The following TRAPPC6A variants were observed in gnomAD, a reference collection of about 807,000 sequenced individuals.
TRAPPC6A encodes TRAPP complex subunit 6A.
In TRAPPC6A, 25 loss-of-function variants were observed where a neutral mutation model predicts 20.8. That is an observed-to-expected ratio of 1.20 (90% confidence interval 0.88 to 1.68). TRAPPC6A has a LOEUF of 1.68. TRAPPC6A is among the 40% of genes most tolerant of loss of function. The pLI, the probability that TRAPPC6A is intolerant of heterozygous loss-of-function variation, is 0.00. For missense variants in TRAPPC6A, 215 were observed against 211.6 expected, an observed-to-expected ratio of 1.02 and a Z score of -0.10; for synonymous variants, 96 against 93.3, an observed-to-expected ratio of 1.03 and a Z score of -0.16.
At chr19:45,164,512 A>G (rs1218937543) in intron 3 of TRAPPC6A, among the ~76,000 whole-genome samples, 11 of 152,124 alleles carry the variant, frequency 7.2e-5, no homozygotes. Flanking sequence ...CGGCCCAGGA[A>G]GATGCAGAAG....
intron 1 of TRAPPC6A, 29 bp downstream of exon 1, chr19:45,178,106 G>T: frequency 1.2e-6 from 2 of 1,612,482 alleles, no homozygotes; most frequent in Non-Finnish European, 1.7e-6. Flanking sequence ...GGTGGCCCCC[G>T]CTTCCTCCCC....
rs565767110 is a variant in TRAPPC6A at position 45,169,204 on chromosome 19, G to A, written c.85-4010C>T. Among the ~76,000 whole-genome samples the A allele has an allele frequency of 1.4e-3, 211 of 152,338 alleles. 2 individuals are homozygous for A. Among genetic ancestry groups the A allele is most frequent in the Middle Eastern group, 6.8e-3 (2 of 294 alleles). The stretch of plus-strand genomic sequence containing the variant: ...CCAGCGGCGCAGGTGCAGAGCCACC[G>A]CCTGGGTCCAGATCCGCCCCAGCAC... On this transcript the variant is annotated intron_variant, in intron 1 of 5. Coordinates refer to ENST00000585934, the MANE Select transcript of TRAPPC6A (RefSeq NM_001270891.2).
In TRAPPC6A at chr19:45,173,498, T is replaced by C. The variant is rs1483176636; in HGVS notation, c.84+4637A>G. 6.6e-6 allele frequency among the ~76,000 whole-genome samples: 1 copy of C among 152,130 alleles called. No individual in the cohort carries two copies. The highest frequency in any genetic ancestry group is 2.4e-5 in the African/African-American group (1 of 41,434). On this transcript the variant is annotated intron_variant, in intron 1 of 5. Coordinates refer to ENST00000585934, the MANE Select transcript of TRAPPC6A (RefSeq NM_001270891.2). This position sits in a 1 kb window ranked among gnomAD's most constrained non-coding sequence, Gnocchi z 4.8. Reference sequence around the variant, plus strand: ...AAGCCCTGGGGCCAGAAGCCTGAGTTCTAATTTTGCCTTTGAGTCTTGCTG... The same window carrying C: ...AAGCCCTGGGGCCAGAAGCCTGAGTCCTAATTTTGCCTTTGAGTCTTGCTG...
Position 45,178,226 on chromosome 19 carries a change from C to T in TRAPPC6A, c.-8G>A. Reference sequence around the variant, plus strand: ...CAACACAGTATCCGCCATGCCCCCTCCTCGCACGCCTAAAGATGCGCCCAG... The same window carrying T: ...CAACACAGTATCCGCCATGCCCCCTTCTCGCACGCCTAAAGATGCGCCCAG... On this transcript the variant is annotated 5_prime_UTR_variant, in exon 1 of 6. Transcript: ENST00000585934. 2 of 1,586,610 alleles carry T rather than the reference C, an allele frequency of 1.3e-6. No individual in the cohort carries two copies. The highest frequency in any genetic ancestry group is 1.7e-6 in the Non-Finnish European group (2 of 1,162,218).
intron 1 of TRAPPC6A, among the ~76,000 whole-genome samples, chr19:45,175,380 TCGC>T (rs1969347894): frequency 6.8e-6 from 1 of 147,280 alleles, no homozygotes; most frequent in African/African-American, 2.5e-5. Flanking sequence ...TGAGCCGAGA[TCGC>T]GCCACTGCAC....
intron 1 of TRAPPC6A, among the ~76,000 whole-genome samples, chr19:45,170,288 C>T (rs76408877): frequency 0.045 from 6,875 of 152,272 alleles, 495 homozygotes; most frequent in African/African-American, 0.16. Context: ...GCGTTTCACC[C>T]GGGGAATGGG....
intron 1 of TRAPPC6A, among the ~76,000 whole-genome samples, chr19:45,167,885 C>A (rs930018756): frequency 3.3e-5 from 5 of 151,952 alleles, no homozygotes; most frequent in African/African-American, 1.2e-4. Flanking sequence ...CGTGTCCCAG[C>A]TACTTGGGAA....
intron 1 of TRAPPC6A, among the ~76,000 whole-genome samples, chr19:45,166,895 G>A (rs963564632): frequency 6.6e-6 from 1 of 152,190 alleles, no homozygotes; most frequent in Non-Finnish European, 1.5e-5. Flanking sequence ...CCTGGAGCGG[G>A]TCTCCCAGCC....
In TRAPPC6A at chr19:45,171,015, G is replaced by A. The variant is rs569289924; in HGVS notation, c.85-5821C>T. 7.9e-5 allele frequency among the ~76,000 whole-genome samples: 12 copies of A among 152,322 alleles called. No homozygotes were observed. In the East Asian group the frequency reaches 2.3e-3, roughly 29 times the overall value. ...TAGGGGTTTATCTTTCTTAAAAACA[G>A]AAGGGGCTGGGCGCGGGGGCTCTTG... is the stretch of plus-strand genomic sequence containing the variant. On this transcript the variant is annotated intron_variant, in intron 1 of 5. Transcript: ENST00000585934.
Position 45,172,706 on chromosome 19 carries a change from TC to T in TRAPPC6A, c.84+5428del, listed in dbSNP as rs529429856. 8.3e-3 allele frequency among the ~76,000 whole-genome samples: 1,253 copies of T among 151,748 alleles called. 18 individuals carry two copies. Among genetic ancestry groups the T allele is most frequent in the Non-Finnish European group, 0.013 (903 of 67,994 alleles). On this transcript the variant is annotated intron_variant, in intron 1 of 5. Coordinates refer to ENST00000585934, the MANE Select transcript of TRAPPC6A (RefSeq NM_001270891.2). This position sits in a 1 kb window ranked among gnomAD's most constrained non-coding sequence, Gnocchi z 4.2. ...TGCCCACTCAGAACTCCCCATCCTG[TC>T]CCCTGGCCCAGCCCGGAAGGTTGAG...
rs201133555 is a variant in TRAPPC6A at position 45,163,940 on chromosome 19, C to T, written c.424G>A (p.Ala142Thr). Residue 142 changes from alanine (A) to threonine (T), a missense_variant, in exon 5 of 6, where the codon GCC becomes ACC. By Grantham distance (58) the Ala-to-Thr change is moderately conservative (BLOSUM62 0). Coordinates refer to ENST00000585934, the MANE Select transcript of TRAPPC6A (RefSeq NM_001270891.2). This position sits in a 1 kb window ranked among gnomAD's most constrained non-coding sequence, Gnocchi z 5.3. ...YTLGIESVVT[A>T]SVAALPVCKF... is the part of the protein sequence containing the mutation. ...CAGACGGGCAGGGCTGCCACGGAGG[C>T]GGTGACCACGCTCTCAATGCCCAGG... is the stretch of plus-strand genomic sequence containing the variant. 8.3e-5 allele frequency: 131 copies of T among 1,581,242 alleles called. No homozygotes were observed. The East Asian group carries it at 1.6e-3, about 20-fold the overall frequency.
chr19:45,165,191 G>C lies in TRAPPC6A; in HGVS notation c.88C>G (p.Gln30Glu). The part of the protein sequence containing the change: ...AHDPDPGPGG[Q>E]KMSLSVLEGM... ...TCCAGGACCGACAGGCTCATCTTCTGTCCCTAGAAGGCCAGGGGAGAGATG... is the reference window on the plus strand; with the variant it reads ...TCCAGGACCGACAGGCTCATCTTCTCTCCCTAGAAGGCCAGGGGAGAGATG... The change falls in exon 2 of 6, where the codon CAG (glutamine) becomes GAG (glutamate). Residue 30 changes from glutamine (Q) to glutamate (E), a missense_variant. Gln to Glu is a conservative substitution (Grantham distance 29). Coordinates refer to ENST00000585934, the MANE Select transcript of TRAPPC6A (RefSeq NM_001270891.2). 1 of 1,600,262 alleles carries C rather than the reference G, an allele frequency of 6.2e-7. No individual in the cohort carries two copies.
At chr19:45,164,345 TG>T in intron 3 of TRAPPC6A, 98 bp from the exon 4 acceptor site, 1 of 797,506 alleles carries the variant, frequency 1.3e-6, no homozygotes, top group Non-Finnish European at 2.0e-6. Context: ...GGGCTGAGGT[TG>T]GGAAGGCCCC....
Position 45,163,148 on chromosome 19 carries a change from T to C in TRAPPC6A, c.*44A>G. 1 of 1,612,638 alleles carries C rather than the reference T, an allele frequency of 6.2e-7. No individual in the cohort carries two copies. The highest frequency in any genetic ancestry group is 8.5e-7 in the Non-Finnish European group (1 of 1,179,154). ...CGGCCCCACCGTCTCCTGAGGCCGG[T>C]GAGGCCAGGGGCAGCAGTGCGGCTC... is the stretch of plus-strand genomic sequence containing the variant. On this transcript the variant is annotated 3_prime_UTR_variant, in exon 6 of 6. Coordinates refer to ENST00000585934, the MANE Select transcript of TRAPPC6A (RefSeq NM_001270891.2). The surrounding 1 kb of genome is among the most constrained non-coding windows in gnomAD (Gnocchi z 5.3).
At chr19:45,170,481 C>T (rs975585233) in intron 1 of TRAPPC6A, among the ~76,000 whole-genome samples, 7 of 152,314 alleles carry the variant, frequency 4.6e-5, no homozygotes, top group South Asian at 2.1e-4. Flanking sequence ...ACAGCCAGGA[C>T]GGCAGCCCCC....
rs575315881 is a variant in TRAPPC6A at position 45,164,980 on chromosome 19, C to G, written c.153-10G>C. 12 of 1,613,798 alleles carry G rather than the reference C, an allele frequency of 7.4e-6. 1 individual carries two copies. The South Asian group carries it at 1.2e-4, about 16-fold the overall frequency. ...CGTCTCCCGGGGCAGCCTGGTGGGG[C>G]AGTACCAAGCTGAGGCCGTGGGGCC... On this transcript the variant is annotated splice_polypyrimidine_tract_variant and intron_variant, in intron 2 of 5. Coordinates refer to ENST00000585934, the MANE Select transcript of TRAPPC6A (RefSeq NM_001270891.2).
At chr19:45,170,232 C>G (rs1411793120) in intron 1 of TRAPPC6A, among the ~76,000 whole-genome samples, 1 of 152,238 alleles carries the variant, frequency 6.6e-6, no homozygotes, top group African/African-American at 2.4e-5. Context: ...TGCCTGAATG[C>G]CAGCCACAGT....
In TRAPPC6A at chr19:45,164,963, G is replaced by C. The variant is rs373240708; in HGVS notation, c.160C>G (p.Arg54Gly). The change falls in exon 3 of 6, where the codon CGG (arginine) becomes GGG (glycine). Residue 54 changes from arginine to glycine, a missense_variant. Coordinates refer to ENST00000585934, the MANE Select transcript of TRAPPC6A (RefSeq NM_001270891.2). ...TCCTCCCTGAAGGCCAGCGTCTCCC[G>C]GGGCAGCCTGGTGGGGCAGTACCAA... Reference protein sequence around the residue: ...VGQALGERLPRETLAFREELD... With the variant: ...VGQALGERLPGETLAFREELD... 5.0e-6 allele frequency: 8 copies of C among 1,614,070 alleles called. No homozygotes were observed. The highest frequency in any genetic ancestry group is 6.8e-6 in the Non-Finnish European group (8 of 1,179,946).
At chr19:45,167,461 G>C (rs987750517) in intron 1 of TRAPPC6A, among the ~76,000 whole-genome samples, 2 of 152,138 alleles carry the variant, frequency 1.3e-5, no homozygotes, top group Non-Finnish European at 2.9e-5. Flanking sequence ...AGATTAGGCC[G>C]GGCGCAGTGG....
Sources: gnomAD v4.1 joint callset for allele counts (sites outside exome capture counted in the v4.1 genomes callset) on GRCh38, gnomAD v4.1.1 for gene constraint, Gnocchi (gnomAD v3.1) non-coding constraint, MANE v1.5 for transcripts, NCBI Gene and HGNC (gene_info 2026-07-23, HGNC 2026-07-21) for gene names.